Variants in SORCS3 observed in about 807,000 individuals in gnomAD.
SORCS3 encodes the protein VPS10 domain-containing receptor SorCS3.
In SORCS3, 57 loss-of-function variants were observed where a neutral mutation model predicts 146.3. The ratio of observed to expected loss-of-function variants is 0.39; its 90% confidence interval spans 0.31 to 0.49. The LOEUF is 0.49. Among genes scored for constraint, SORCS3 ranks in the 20% least tolerant of loss-of-function variants. The pLI, the probability that SORCS3 is intolerant of heterozygous loss-of-function variation, is 0.92. For synonymous variants in SORCS3, 653 were observed against 618.5 expected (o/e 1.06, Z -0.83); for missense variants, 1,341 against 1,575.5 (o/e 0.85, Z 2.52).
chr10:105,234,720 T>C (rs912976036), intron 20 of SORCS3, among the ~76,000 whole-genome samples: 96 of 152,072 alleles, frequency 6.3e-4, no homozygotes, highest in African/African-American at 2.1e-3. Context: ...TTCTTTTTTT[T>C]TCTTAGAATT....
chr10:104,747,440 C>T (rs543766117), intron 1 of SORCS3, among the ~76,000 whole-genome samples: 2 of 152,144 alleles, frequency 1.3e-5, no homozygotes, highest in Admixed American at 1.3e-4. Context: ...ATGAACAGTA[C>T]AGTCACCCAC....
chr10:104,721,564 G>A (rs2016549626), intron 1 of SORCS3, among the ~76,000 whole-genome samples: 1 of 151,968 alleles, frequency 6.6e-6, no homozygotes, highest in South Asian at 2.1e-4. Flanking sequence ...AAATTACCTT[G>A]GGCAGTATGG....
chr10:105,219,180 T>C (rs1306792014), intron 19 of SORCS3, among the ~76,000 whole-genome samples: 2 of 152,134 alleles, frequency 1.3e-5, no homozygotes, highest in African/African-American at 4.8e-5. Context: ...CACTCATGAC[T>C]ATGATTCATT....
chr10:105,131,970 G>T (rs1228132052), intron 7 of SORCS3, among the ~76,000 whole-genome samples: 2 of 152,086 alleles, frequency 1.3e-5, no homozygotes, highest in Non-Finnish European at 1.5e-5. Context: ...TTTGGGTGTG[G>T]ACACACATCC....
intron 7 of SORCS3, among the ~76,000 whole-genome samples, chr10:105,109,651 A>G (rs977897684): frequency 1.3e-5 from 2 of 152,020 alleles, no homozygotes; most frequent in Non-Finnish European, 2.9e-5. Flanking sequence ...TACTCCAATA[A>G]TTTGTTACTA....
chr10:105,263,600 C>T lies in SORCS3; in HGVS notation c.*226C>T, dbSNP rs1380894354. On this transcript the variant is annotated 3_prime_UTR_variant, in exon 27 of 27. Transcript: ENST00000369701. Reference sequence around the variant, plus strand: ...GTATTTGTGCTAAGAGCAAAGGATGCATCTTCCCACAGCCTCCTCGCTTTA... The same window carrying T: ...GTATTTGTGCTAAGAGCAAAGGATGTATCTTCCCACAGCCTCCTCGCTTTA... 2 of 506,706 alleles carry T rather than the reference C, an allele frequency of 3.9e-6. No homozygotes were observed. Among genetic ancestry groups the T allele is most frequent in the Non-Finnish European group, 7.0e-6 (2 of 284,308 alleles). The allele number at this position is 506,706 out of a possible 1,614,324, so 31.4% of individuals were successfully genotyped here.
intron 1 of SORCS3, among the ~76,000 whole-genome samples, chr10:104,841,910 T>G (rs2018145928): frequency 6.6e-6 from 1 of 152,214 alleles, no homozygotes; most frequent in African/African-American, 2.4e-5. Context: ...TGCGTTTTGA[T>G]TAAAATCGAT....
intron 1 of SORCS3, among the ~76,000 whole-genome samples, chr10:104,730,764 A>T (rs114407353): frequency 2.0e-5 from 3 of 152,176 alleles, no homozygotes; most frequent in African/African-American, 7.2e-5. Flanking sequence ...CAGGAGAGAT[A>T]ATGAGAGCCA....
chr10:104,686,838 C>A (rs188118123), intron 1 of SORCS3, among the ~76,000 whole-genome samples: 1 of 152,280 alleles, frequency 6.6e-6, no homozygotes, highest in Non-Finnish European at 1.5e-5. Flanking sequence ...TCCATGTATC[C>A]ATTCATTCAT....
intron 17 of SORCS3, 151 bp from the exon 18 acceptor site, chr10:105,214,290 CT>C (rs2056651656): frequency 2.2e-5 from 17 of 765,340 alleles, no homozygotes; most frequent in Non-Finnish European, 3.7e-5. Flanking sequence ...AAATGACTGT[CT>C]TTTTGAGACT....
chr10:104,840,474 G>T (rs1313240994), intron 1 of SORCS3, among the ~76,000 whole-genome samples: 2 of 152,128 alleles, frequency 1.3e-5, no homozygotes, highest in Admixed American at 1.3e-4. Context: ...TATAGGAATT[G>T]CCTGCTCATT....
At chr10:105,077,974 G>A (rs1441267587) in intron 5 of SORCS3, among the ~76,000 whole-genome samples, 1 of 152,190 alleles carries the variant, frequency 6.6e-6, no homozygotes, top group African/African-American at 2.4e-5. Context: ...GAGAGAAGCC[G>A]TGTTCATTTG....
chr10:105,093,698 T>G (rs1386939567), intron 6 of SORCS3, among the ~76,000 whole-genome samples: 2 of 152,128 alleles, frequency 1.3e-5, no homozygotes, highest in African/African-American at 2.4e-5. Context: ...TCACTATATA[T>G]CTATTGTTAT....
At chr10:104,917,647 C>G (rs1299633581) in intron 3 of SORCS3, among the ~76,000 whole-genome samples, 3 of 152,192 alleles carry the variant, frequency 2.0e-5, no homozygotes, top group Non-Finnish European at 4.4e-5. Flanking sequence ...CATGCCTCCC[C>G]TTTAACCATT....
At chr10:105,092,476 A>G (rs1371346508) in intron 6 of SORCS3, among the ~76,000 whole-genome samples, 1 of 152,054 alleles carries the variant, frequency 6.6e-6, no homozygotes, top group Non-Finnish European at 1.5e-5. Context: ...CCCTAACTCA[A>G]CTTTATTTAG....
intron 7 of SORCS3, among the ~76,000 whole-genome samples, chr10:105,137,189 T>C (rs564606295): frequency 6.6e-6 from 1 of 152,162 alleles, no homozygotes; most frequent in Non-Finnish European, 1.5e-5. Flanking sequence ...TGATGATCTC[T>C]GGCCAGCATT....
At chr10:105,227,001 C>T (rs933882281) in intron 20 of SORCS3, among the ~76,000 whole-genome samples, 3 of 151,704 alleles carry the variant, frequency 2.0e-5, no homozygotes, top group African/African-American at 7.3e-5. Flanking sequence ...TTCAAAAAAA[C>T]CACTTTTTGG....
At chr10:104,660,372 T>A (rs1368914317) in intron 1 of SORCS3, among the ~76,000 whole-genome samples, 1 of 152,206 alleles carries the variant, frequency 6.6e-6, no homozygotes, top group East Asian at 1.9e-4. Flanking sequence ...ATGTAAAGCA[T>A]GACCACCTAT....
intron 5 of SORCS3, among the ~76,000 whole-genome samples, chr10:105,080,080 T>C (rs549139313): frequency 3.9e-5 from 6 of 152,348 alleles, no homozygotes; most frequent in Admixed American, 2.0e-4. Flanking sequence ...TACCCACAAA[T>C]TGGATTACTG....
Sources: gnomAD v4.1 joint callset for allele counts (sites outside exome capture counted in the v4.1 genomes callset) on GRCh38, gnomAD v4.1.1 for gene constraint, MANE v1.5 for transcripts, NCBI Gene and HGNC (gene_info 2026-07-23, HGNC 2026-07-21) for gene names.